TRIM37: variants seen among roughly 807,000 people sequenced by gnomAD.
TRIM37 encodes the protein E3 ubiquitin-protein ligase TRIM37.
TRIM37 carries 80 observed loss-of-function variants against 129.8 expected under a neutral mutation model. That is an observed-to-expected ratio of 0.62 (90% CI 0.51 to 0.74). The LOEUF is 0.74. TRIM37 is among the 30% of genes least tolerant of loss of function. TRIM37 has a pLI of 0.00. For synonymous variants in TRIM37, 389 were observed against 387.1 expected, an observed-to-expected ratio of 1.00 and a Z score of -0.06; for missense variants, 1,054 against 1,176.5, an observed-to-expected ratio of 0.90 and a Z score of 1.52.
At chr17:58,990,934 G>T (rs954270243) in intron 24 of TRIM37, among the ~76,000 whole-genome samples, 1 of 151,876 alleles carries the variant, frequency 6.6e-6, no homozygotes, top group East Asian at 1.9e-4. Flanking sequence ...CAGCACTTTG[G>T]GAGGCTGAGG....
At chr17:59,012,141 G>C (rs1315649489) in intron 22 of TRIM37, among the ~76,000 whole-genome samples, 187 bp downstream of exon 22, 1 of 151,914 alleles carries the variant, frequency 6.6e-6, no homozygotes, top group African/African-American at 2.4e-5. Context: ...GTTGTGTTCA[G>C]ATCAAGCATG....
intron 2 of TRIM37, among the ~76,000 whole-genome samples, chr17:59,101,517 A>C (rs975279097): frequency 1.3e-5 from 2 of 151,686 alleles, no homozygotes; most frequent in African/African-American, 4.8e-5. Flanking sequence ...AACTAATTGC[A>C]CTTAAAAATC....
intron 2 of TRIM37, 63 bp downstream of exon 2, chr17:59,104,230 A>C: frequency 8.2e-6 from 12 of 1,471,552 alleles, no homozygotes; most frequent in Non-Finnish European, 1.1e-5. Flanking sequence ...GATAAGGGAA[A>C]TGGTTAATCC....
At chr17:59,039,747 G>A (rs1475954674) in intron 17 of TRIM37, among the ~76,000 whole-genome samples, 1 of 152,116 alleles carries the variant, frequency 6.6e-6, no homozygotes. Flanking sequence ...ACAGAGGAAT[G>A]ACAGAAATAA....
Position 59,079,781 on chromosome 17 carries a change from G to T in TRIM37, c.589C>A (p.Leu197Met). The change falls in exon 7 of 24, where the codon CTG becomes ATG. Residue 197 changes from leucine to methionine, a missense_variant. Leu to Met is a conservative substitution (Grantham distance 15). This residue lies in a region of TRIM37 where 752 missense variants were observed against 870.8 expected (regional missense o/e 0.86). Transcript: ENST00000262294. ...ATCAGTGTTATAAGCTTATTCTTCAGCTGTGTGTCTAACCGTGCAATCATC... is the reference window on the plus strand; with the variant it reads ...ATCAGTGTTATAAGCTTATTCTTCATCTGTGTGTCTAACCGTGCAATCATC... ...EMMIARLDTQLKNKLITLMGQ... is the reference protein window; with the variant it reads ...EMMIARLDTQMKNKLITLMGQ... 6.2e-7 allele frequency: 1 copy of T among 1,614,022 alleles called. No individual in the cohort carries two copies. Among genetic ancestry groups the T allele is most frequent in the East Asian group, 2.2e-5 (1 of 44,856 alleles).
At chr17:59,027,645 C>A (rs1169457415) in intron 19 of TRIM37, among the ~76,000 whole-genome samples, 1 of 152,188 alleles carries the variant, frequency 6.6e-6, no homozygotes, top group African/African-American at 2.4e-5. Flanking sequence ...TTTTCAGACC[C>A]TTCTCCACAC....
intron 16 of TRIM37, among the ~76,000 whole-genome samples, chr17:59,046,774 T>G (rs1180145745): frequency 6.7e-6 from 1 of 149,864 alleles, no homozygotes; most frequent in Non-Finnish European, 1.5e-5. Flanking sequence ...TCTCCTGACC[T>G]CGTGATCCAC....
chr17:59,091,558 T>TTA (rs1456996601), intron 2 of TRIM37, among the ~76,000 whole-genome samples: 2 of 7,944 alleles, frequency 2.5e-4, no homozygotes, highest in Admixed American at 2.3e-3. Flanking sequence ...ATATTATACA[T>TTA]TATATATATA....
chr17:58,992,277 ATATT>A (rs1160710373), intron 24 of TRIM37, among the ~76,000 whole-genome samples: 13 of 142,318 alleles, frequency 9.1e-5, no homozygotes, highest in African/African-American at 1.6e-4. Flanking sequence ...AAATATATAT[ATATT>A]TATATTTATA....
Position 59,080,059 on chromosome 17 carries a change from T to C in TRIM37, c.493-182A>G, listed in dbSNP as rs931091878. 1.8e-4 allele frequency among the ~76,000 whole-genome samples: 27 copies of C among 152,350 alleles called. 1 individual carries two copies. The Middle Eastern group carries it at 0.02, about 115-fold the overall frequency. On this transcript the variant is annotated intron_variant, in intron 6 of 23. Coordinates refer to ENST00000262294, the MANE Select transcript of TRIM37 (RefSeq NM_015294.6). ...CATGCAATCAAAAACACAAATTTTCTGCATAAAGAATGTTATAAATGATCA... is the reference window on the plus strand; with the variant it reads ...CATGCAATCAAAAACACAAATTTTCCGCATAAAGAATGTTATAAATGATCA...
intron 4 of TRIM37, among the ~76,000 whole-genome samples, chr17:59,087,461 T>C (rs2043866480): frequency 6.6e-6 from 1 of 150,672 alleles, no homozygotes. Flanking sequence ...CCTCTTTCTT[T>C]TTTTTTTTTT....
chr17:58,978,948 C>G (rs2143809099), downstream of TRIM37, among the ~76,000 whole-genome samples: 1 of 152,266 alleles, frequency 6.6e-6, no homozygotes, highest in Non-Finnish European at 1.5e-5. Context: ...GCTCCTACCC[C>G]AAGCACCCTA....
intron 2 of TRIM37, among the ~76,000 whole-genome samples, chr17:59,097,684 T>C (rs1189697689): frequency 6.6e-6 from 1 of 152,126 alleles, no homozygotes; most frequent in Non-Finnish European, 1.5e-5. Flanking sequence ...CAGTGAGCCA[T>C]GATCGCATCA....
rs368455664 is a variant in TRIM37, at chr17:58,999,404, G to A, written c.2868C>T (p.Phe956=). Residue 956 remains phenylalanine, a synonymous_variant, in exon 24 of 24, where the codon TTC becomes TTT. Transcript: ENST00000262294. ...ACCTTCCACTATTTTCATCTGTATT[G>A]AAGCTGAGATCTTCAGGGCCTATTT... is the stretch of plus-strand genomic sequence containing the variant. ...GEQIGPEDLS[F]NTDENSGR The A allele has an allele frequency of 6.2e-6, 10 of 1,613,778 alleles. No individual in the cohort carries two copies. The African/African-American group carries it at 1.3e-4, about 22-fold the overall frequency.
intron 18 of TRIM37, among the ~76,000 whole-genome samples, chr17:59,029,801 A>C (rs1331603860): frequency 6.6e-6 from 1 of 152,120 alleles, no homozygotes; most frequent in East Asian, 1.9e-4. Context: ...CAAACAAACA[A>C]TCAATCAAAC....
intron 17 of TRIM37, among the ~76,000 whole-genome samples, chr17:59,037,557 CAAAAAAAAAAAAAAAAAAAA>C (rs58856834): frequency 0.35 from 25,964 of 75,238 alleles, 3,031 homozygotes; most frequent in Admixed American, 0.41. Flanking sequence ...GACTCTGTCT[CAAAAAAAAAAAAAAAAAAAA>C]AAAAAAAAAA....
chr17:59,079,711 G>A, intron 7 of TRIM37, 43 bp downstream of exon 7: 11 of 1,612,208 alleles, frequency 6.8e-6, no homozygotes, highest in Non-Finnish European at 9.3e-6. Flanking sequence ...TCTCAAAGAA[G>A]CTGAAAGCAC....
chr17:59,091,575 ATAATG>A (rs1443323496), intron 2 of TRIM37, among the ~76,000 whole-genome samples: 11 of 33,636 alleles, frequency 3.3e-4, no homozygotes, highest in East Asian at 3.0e-3. Context: ...TATAATATAT[ATAATG>A]TATAATATAT....
Position 59,079,865 on chromosome 17 carries a change from C to T in TRIM37, c.505G>A (p.Glu169Lys), listed in dbSNP as rs891768397. Reference sequence around the variant, plus strand: ...TCATCTTTTGCATTTCTTACAGCTTCTACATTCCTTTCCTAGAAGATAAAG... The same window carrying T: ...TCATCTTTTGCATTTCTTACAGCTTTTACATTCCTTTCCTAGAAGATAAAG... ...SLVQEVERNV[E>K]AVRNAKDERV... The change falls in exon 7 of 24, where the codon GAA (glutamate) becomes AAA (lysine). Residue 169 changes from glutamate (E) to lysine (K), a missense_variant. Coordinates refer to ENST00000262294, the MANE Select transcript of TRIM37 (RefSeq NM_015294.6). The T allele has an allele frequency of 1.9e-6, 3 of 1,613,900 alleles. No individual in the cohort carries two copies. Among genetic ancestry groups the T allele is most frequent in the Non-Finnish European group, 2.5e-6 (3 of 1,179,880 alleles).
Sources: gnomAD v4.1 joint callset for allele counts (sites outside exome capture counted in the v4.1 genomes callset) on GRCh38, gnomAD v4.1.1 for gene constraint, gnomAD v4.1.1 regional missense constraint, MANE v1.5 for transcripts, NCBI Gene and HGNC (gene_info 2026-07-23, HGNC 2026-07-21) for gene names.